The following ANAPC4 variants were observed in gnomAD, a reference collection of about 807,000 sequenced individuals.
ANAPC4 encodes anaphase promoting complex subunit 4.
Under a neutral mutation model 119.8 loss-of-function variants are expected in ANAPC4, and 63 were observed. The ratio of observed to expected loss-of-function variants is 0.53; its 90% CI spans 0.43 to 0.65. The LOEUF is 0.65. ANAPC4 is among the 30% of genes least tolerant of loss of function. The pLI is 0.00. For synonymous variants in ANAPC4, 283 were observed against 318.6 expected (o/e 0.89, Z 1.19); for missense variants, 716 against 945.1 (o/e 0.76, Z 3.18).
At chr4:25,396,798 A>G in intron 15 of ANAPC4, 34 bp downstream of exon 15, 2 of 1,609,652 alleles carry the variant, frequency 1.2e-6, no homozygotes, top group Admixed American at 3.4e-5. Context: ...AATACATTAA[A>G]CACAGTTTAC....
intron 17 of ANAPC4, among the ~76,000 whole-genome samples, chr4:25,403,601 G>C (rs891758239): frequency 6.6e-6 from 1 of 152,196 alleles, no homozygotes; most frequent in Middle Eastern, 3.4e-3. Flanking sequence ...TGATTATTTC[G>C]TCTTCTGTCT....
chr4:25,379,659 G>A (rs1036572756), intron 2 of ANAPC4, among the ~76,000 whole-genome samples: 1 of 152,206 alleles, frequency 6.6e-6, no homozygotes, highest in Admixed American at 6.5e-5. Flanking sequence ...CAGAGGAAGG[G>A]TTTCAGAAGT....
chr4:25,416,123 A>C (rs1468334037), intron 26 of ANAPC4: 1 of 218,306 alleles, frequency 4.6e-6, no homozygotes, highest in Non-Finnish European at 8.9e-6. Context: ...GGTGTCATTC[A>C]TAGAATTTCC....
intron 26 of ANAPC4, chr4:25,416,215 C>A (rs1034255368): frequency 5.6e-6 from 2 of 356,586 alleles, no homozygotes; most frequent in African/African-American, 4.2e-5. Context: ...GTCATGATTA[C>A]CCATTTTTAA....
intron 3 of ANAPC4, among the ~76,000 whole-genome samples, chr4:25,382,202 A>T (rs977793272): frequency 3.9e-5 from 6 of 152,020 alleles, no homozygotes; most frequent in African/African-American, 1.5e-4. Flanking sequence ...CACTATATTT[A>T]TATATTGTAA....
intron 16 of ANAPC4, among the ~76,000 whole-genome samples, chr4:25,399,657 G>C (rs1007226633): frequency 6.6e-6 from 1 of 152,132 alleles, no homozygotes; most frequent in Non-Finnish European, 1.5e-5. Context: ...TAGATGTATG[G>C]AATTTGAAAT....
intron 7 of ANAPC4, among the ~76,000 whole-genome samples, chr4:25,389,334 T>A (rs1309244084): frequency 6.6e-6 from 1 of 152,190 alleles, no homozygotes; most frequent in East Asian, 1.9e-4. Context: ...AATTTTTTTA[T>A]TTTTAGTAGG....
intron 20 of ANAPC4, among the ~76,000 whole-genome samples, chr4:25,408,557 A>G (rs1391735899): frequency 1.3e-5 from 2 of 151,734 alleles, no homozygotes; most frequent in Non-Finnish European, 2.9e-5. Context: ...TTTTGAGACA[A>G]GATATTTCCT....
chr4:25,380,445 G>A lies in ANAPC4; in HGVS notation c.201G>A (p.Glu67=). The A allele has an allele frequency of 6.2e-7, 1 of 1,613,094 alleles. No individual in the cohort carries two copies. Among genetic ancestry groups the A allele is most frequent in the Non-Finnish European group, 8.5e-7 (1 of 1,179,508 alleles). ...CACCAAATGAAAATACAGGAAAGGA[G>A]GTGACGTGTCTGGCATGGAGACCAG... ...SFPPNENTGK[E]VTCLAWRPDG... is the part of the protein sequence containing the mutation. The change falls in exon 3 of 29, where the codon GAG becomes GAA. Residue 67 remains glutamate, a synonymous_variant. Transcript: ENST00000315368.
At chr4:25,417,964 G>A (rs1032571177) in intron 28 of ANAPC4, 191 bp from the exon 29 acceptor site, 49 of 841,274 alleles carry the variant, frequency 5.8e-5, no homozygotes, top group South Asian at 4.3e-4. Context: ...TTAATCTCAC[G>A]AAATTGCCAC....
rs148354654 is a variant in ANAPC4 at position 25,396,747 on chromosome 4, A to T, written c.1145A>T (p.Asp382Val). The T allele has an allele frequency of 6.2e-7, 1 of 1,613,404 alleles. No homozygotes were observed. The highest frequency in any genetic ancestry group is 8.5e-7 in the Non-Finnish European group (1 of 1,179,818). Residue 382 changes from aspartate (D) to valine (V), a missense_variant, in exon 15 of 29, where the codon GAT becomes GTT. Asp to Val is a radical substitution (Grantham distance 152). Around this residue, in one of 3 missense-constraint regions of ANAPC4, gnomAD observed 504 missense variants for 615.8 expected, o/e 0.82. Coordinates refer to ENST00000315368, the MANE Select transcript of ANAPC4 (RefSeq NM_013367.3). Reference sequence around the variant, plus strand: ...CAAAAATATGAACCTCTTGGACTAGATGCTGCAGGAATCGAAGGTAGTGAT... The same window carrying T: ...CAAAAATATGAACCTCTTGGACTAGTTGCTGCAGGAATCGAAGGTAGTGAT... ...WKQKYEPLGL[D>V]AAGIEEAITA...
chr4:25,413,216 T>A (rs1003357734), intron 21 of ANAPC4: 1 of 153,298 alleles, frequency 6.5e-6, no homozygotes, highest in African/African-American at 2.4e-5. Context: ...TTTTAAAAAG[T>A]AAAGAGCTTA....
intron 4 of ANAPC4, among the ~76,000 whole-genome samples, chr4:25,383,846 T>C (rs2109111868): frequency 6.6e-6 from 1 of 152,352 alleles, no homozygotes; most frequent in East Asian, 1.9e-4. Context: ...TGGAGGATTT[T>C]GCCTTGGTGC....
chr4:25,392,385 G>A lies in ANAPC4; in HGVS notation c.753G>A (p.Met251Ile). 1 of 1,613,136 alleles carries A rather than the reference G, an allele frequency of 6.2e-7. No individual in the cohort carries two copies. The highest frequency in any genetic ancestry group is 8.5e-7 in the Non-Finnish European group (1 of 1,179,180). The change falls in exon 10 of 29, where the codon ATG (methionine) becomes ATA (isoleucine). Residue 251 changes from methionine to isoleucine, a missense_variant. Transcript: ENST00000315368. ...CTTTCTTACCTGAAGTAACTCGGAT[G>A]GCCAGAAAGTTTACTCATATTTCAG... is the stretch of plus-strand genomic sequence containing the variant. ...LYSFLPEVTRMARKFTHISAL... is the reference protein window; with the variant it reads ...LYSFLPEVTRIARKFTHISAL...
intron 16 of ANAPC4, among the ~76,000 whole-genome samples, chr4:25,399,636 T>G (rs1284788349): frequency 6.6e-6 from 1 of 152,204 alleles, no homozygotes; most frequent in Non-Finnish European, 1.5e-5. Flanking sequence ...TCGGCCACCC[T>G]GTCAGTGTGT....
At chr4:25,415,607 G>A (rs1723823932) in intron 26 of ANAPC4, 67 bp downstream of exon 26, 9 of 1,414,298 alleles carry the variant, frequency 6.4e-6, no homozygotes, top group Non-Finnish European at 8.9e-6. Flanking sequence ...TTAGGAATAG[G>A]ATCAGACTCA....
rs746219176 is a variant in ANAPC4 at position 25,405,736 on chromosome 4, G to A, written c.1317+117G>A. ...GTTAACAGGATGTCAGGATGTAGAC[G>A]TTAGATCCCTTAAGCACCACCTTTT... is the stretch of plus-strand genomic sequence containing the variant. On this transcript the variant is annotated intron_variant, in intron 18 of 28. Coordinates refer to ENST00000315368, the MANE Select transcript of ANAPC4 (RefSeq NM_013367.3). This position sits in a 1 kb window ranked among gnomAD's most constrained non-coding sequence, Gnocchi z 4.6. 5.6e-5 allele frequency: 52 copies of A among 932,952 alleles called. No homozygotes were observed. Among genetic ancestry groups the A allele is most frequent in the African/African-American group, 3.5e-4 (21 of 60,718 alleles). The allele number at this position is 932,952 out of a possible 1,614,324, so 57.8% of individuals were successfully genotyped here. A position where few individuals can be genotyped will look rare whatever the true frequency, so the allele number is the denominator to read the frequency against.
At chr4:25,406,969 C>T in intron 19 of ANAPC4, 84 bp downstream of exon 19, 4 of 1,144,250 alleles carry the variant, frequency 3.5e-6, no homozygotes, top group Non-Finnish European at 5.0e-6. Context: ...TAAATTTAAC[C>T]CAATTTAATT....
chr4:25,391,096 G>T, intron 9 of ANAPC4, 81 bp downstream of exon 9: 160 of 1,021,768 alleles, frequency 1.6e-4, no homozygotes, highest in Middle Eastern at 3.2e-4. Context: ...ACATCTCACT[G>T]TATTGTAATG....
Sources: gnomAD v4.1 joint callset for allele counts (sites outside exome capture counted in the v4.1 genomes callset) on GRCh38, gnomAD v4.1.1 for gene constraint, gnomAD v4.1.1 regional missense constraint, Gnocchi (gnomAD v3.1) non-coding constraint, MANE v1.5 for transcripts, NCBI Gene and HGNC (gene_info 2026-07-23, HGNC 2026-07-21) for gene names.